SIRPA: variants seen among roughly 807,000 people sequenced by gnomAD.
SIRPA encodes the protein tyrosine-protein phosphatase non-receptor type substrate 1.
In SIRPA, 9 loss-of-function variants were observed where a neutral mutation model predicts 50.3. That is an observed-to-expected ratio of 0.18 (90% CI 0.11 to 0.31). The LOEUF (loss-of-function observed/expected upper bound fraction) is 0.31. Ranked by LOEUF, SIRPA falls within the 10% of genes least tolerant of loss-of-function variation. SIRPA has a pLI of 1.00. For missense variants in SIRPA, 474 were observed against 661.6 expected, an observed-to-expected ratio of 0.72 and a Z score of 3.11; for synonymous variants, 265 against 284.1, an observed-to-expected ratio of 0.93 and a Z score of 0.68.
intron 1 of SIRPA, among the ~76,000 whole-genome samples, chr20:1,905,491 TA>T (rs1203807151): frequency 1.3e-5 from 2 of 152,198 alleles, no homozygotes; most frequent in African/African-American, 4.8e-5. Context: ...TTATCTGGCC[TA>T]ACCCATGCAT....
chr20:1,908,658 ACGTGTGTT>A (rs1354942991), intron 1 of SIRPA, among the ~76,000 whole-genome samples: 1 of 152,162 alleles, frequency 6.6e-6, no homozygotes, highest in Admixed American at 6.5e-5. Flanking sequence ...GTATGTACAC[ACGTGTGTT>A]CTCGTGTGCA....
At chr20:1,913,250 C>A (rs1464034881) in intron 1 of SIRPA, among the ~76,000 whole-genome samples, 1 of 152,202 alleles carries the variant, frequency 6.6e-6, no homozygotes, top group Non-Finnish European at 1.5e-5. Context: ...GAGAACCGGG[C>A]CCCAAGGGTG....
chr20:1,907,726 C>T (rs2123036667), intron 1 of SIRPA, among the ~76,000 whole-genome samples: 1 of 152,370 alleles, frequency 6.6e-6, no homozygotes, highest in Non-Finnish European at 1.5e-5. Flanking sequence ...GGGCAAGGGC[C>T]TGTCTTACTT....
intron 5 of SIRPA, among the ~76,000 whole-genome samples, chr20:1,926,290 C>T (rs188862297): frequency 1.6e-4 from 24 of 152,266 alleles, no homozygotes; most frequent in Non-Finnish European, 5.9e-5. Context: ...AGGGAGGACT[C>T]CTCCTTGGAT....
At position 1,927,798 on chromosome 20, in the gene SIRPA, CT is replaced by C; in HGVS notation, c.1202-73del. The stretch of plus-strand genomic sequence containing the variant: ...CCTCTCCATGTCCCTGGAGGCAAAC[CT>C]TTTGCCAAAAAATAGTTACATAAGA... On this transcript the variant is annotated intron_variant, in intron 5 of 7. Transcript: ENST00000358771. The surrounding 1 kb of genome is among the most constrained non-coding windows in gnomAD (Gnocchi z 6.5). 7.2e-7 allele frequency: 1 copy of C among 1,395,162 alleles called. No individual in the cohort carries two copies. Among genetic ancestry groups the C allele is most frequent in the Non-Finnish European group, 1.0e-6 (1 of 980,604 alleles). 86.4% of individuals were successfully genotyped at this position (1,395,162 alleles called of 1,614,324 possible).
chr20:1,913,869 C>T (rs1283145755), intron 1 of SIRPA, among the ~76,000 whole-genome samples: 1 of 152,142 alleles, frequency 6.6e-6, no homozygotes, highest in Middle Eastern at 3.2e-3. Flanking sequence ...CTCTTCCTGT[C>T]TGGGCTCCCC....
intron 6 of SIRPA, among the ~76,000 whole-genome samples, chr20:1,929,188 T>C (rs1986159934): frequency 6.6e-6 from 1 of 151,994 alleles, no homozygotes; most frequent in Admixed American, 6.6e-5. Flanking sequence ...AACCAAAAGA[T>C]GGACACGATC....
At chr20:1,916,672 A>C (rs1985320995) in intron 2 of SIRPA, among the ~76,000 whole-genome samples, 1 of 152,226 alleles carries the variant, frequency 6.6e-6, no homozygotes. Context: ...TCCATTGTGT[A>C]ATAGCTACAG....
Position 1,918,363 on chromosome 20 carries a change from T to C in SIRPA, c.436+2908T>C, listed in dbSNP as rs1440695482. On this transcript the variant is annotated intron_variant, in intron 2 of 7. Coordinates refer to ENST00000358771, the MANE Select transcript of SIRPA (RefSeq NM_001040023.2). The stretch of plus-strand genomic sequence containing the variant: ...GGGGCACCCACCACCACACCAGCTT[T>C]TTTTTTTTTTTTTTTTTTTTGTATT... 1.2e-4 allele frequency among the ~76,000 whole-genome samples: 14 copies of C among 113,536 alleles called. 1 individual carries two copies. Among genetic ancestry groups the C allele is most frequent in the Non-Finnish European group, 1.6e-4 (9 of 55,788 alleles). The allele number at this position is 113,536 out of a possible 152,430, so 74.5% of individuals were successfully genotyped here.
chr20:1,933,406 C>CCG lies in SIRPA; in HGVS notation c.1227-1308_1227-1307insGC, dbSNP rs1020606016. Among the ~76,000 whole-genome samples, 2 of 150,686 alleles carry CCG rather than the reference C, an allele frequency of 1.3e-5. No individual in the cohort carries two copies. Among genetic ancestry groups the CCG allele is most frequent in the African/African-American group, 4.9e-5 (2 of 41,044 alleles). On this transcript the variant is annotated intron_variant, in intron 6 of 7. Coordinates refer to ENST00000358771, the MANE Select transcript of SIRPA (RefSeq NM_001040023.2). The surrounding 1 kb of genome is among the most constrained non-coding windows in gnomAD (Gnocchi z 4.4). ...AGTACATAACATCAAATGCCACCCC[C>CCG]CCCCCGAAATATCTGGTGGGCAGAT...
chr20:1,898,474 A>G lies in SIRPA; in HGVS notation c.79+2948A>G, dbSNP rs1983959448. Among the ~76,000 whole-genome samples the G allele has an allele frequency of 6.6e-6, 1 of 152,144 alleles. No individual in the cohort carries two copies. The highest frequency in any genetic ancestry group is 1.5e-5 in the Non-Finnish European group (1 of 68,030). Reference sequence around the variant, plus strand: ...GAAAACCAACATTCATTAGATAGTTAATGGCGTTCCAGGCCGGATGCTGCT... The same window carrying G: ...GAAAACCAACATTCATTAGATAGTTGATGGCGTTCCAGGCCGGATGCTGCT... On this transcript the variant is annotated intron_variant, in intron 1 of 7. Transcript: ENST00000358771. This position sits in a 1 kb window ranked among gnomAD's most constrained non-coding sequence, Gnocchi z 4.3.
intron 1 of SIRPA, among the ~76,000 whole-genome samples, chr20:1,904,493 G>A (rs1984430222): frequency 6.6e-6 from 1 of 152,178 alleles, no homozygotes; most frequent in South Asian, 2.1e-4. Flanking sequence ...GCAGCCCTGT[G>A]ACCATGGCCA....
rs766554061 is a variant in SIRPA, at chr20:1,934,681, G to T, written c.1227-34G>T. On this transcript the variant is annotated intron_variant, in intron 6 of 7. Coordinates refer to ENST00000358771, the MANE Select transcript of SIRPA (RefSeq NM_001040023.2). The surrounding 1 kb of genome is among the most constrained non-coding windows in gnomAD (Gnocchi z 4.6). The stretch of plus-strand genomic sequence containing the variant: ...TTGCATGAGCACTTGAGATAGTGAG[G>T]GTATTTTTATCTGTGTGTCTCTTTC... The T allele has an allele frequency of 1.2e-6, 2 of 1,609,836 alleles. No individual in the cohort carries two copies. The highest frequency in any genetic ancestry group is 2.2e-5 in the East Asian group (1 of 44,860).
chr20:1,922,667 A>T (rs1985740407), intron 4 of SIRPA, 22 bp downstream of exon 4: 1 of 1,583,184 alleles, frequency 6.3e-7, no homozygotes, highest in African/African-American at 1.4e-5. Flanking sequence ...ATTTCAGCTG[A>T]CCCAGCTTTT....
At chr20:1,910,383 A>G (rs1984817785) in intron 1 of SIRPA, among the ~76,000 whole-genome samples, 1 of 152,200 alleles carries the variant, frequency 6.6e-6, no homozygotes, top group African/African-American at 2.4e-5. Context: ...TGTTCACTGC[A>G]AAAAAATACA....
Position 1,940,189 on chromosome 20 carries a change from G to C in SIRPA, c.*2621G>C, listed in dbSNP as rs1986794270. ...TTCAAACAGCACCTCTTTGAGACTT[G>C]GGCCCCGCGTCGGCACAATGGGGCA... On this transcript the variant is annotated 3_prime_UTR_variant, in exon 8 of 8. Transcript: ENST00000358771. The C allele has an allele frequency of 6.6e-6, 1 of 152,190 alleles. No homozygotes were observed. The allele number at this position is 152,190 out of a possible 1,614,324, so 9.4% of individuals were successfully genotyped here. A position where few individuals can be genotyped will look rare whatever the true frequency, so the allele number is the denominator to read the frequency against.
intron 2 of SIRPA, among the ~76,000 whole-genome samples, chr20:1,920,243 C>T (rs1985568759): frequency 6.6e-6 from 1 of 152,200 alleles, no homozygotes; most frequent in African/African-American, 2.4e-5. Flanking sequence ...GCCCCTCAGC[C>T]CTGTGGGGAC....
In SIRPA at chr20:1,937,977, ACCT is replaced by A. The variant is rs1311977863; in HGVS notation, c.*412_*414del. On this transcript the variant is annotated 3_prime_UTR_variant, in exon 8 of 8. Transcript: ENST00000358771. The surrounding 1 kb of genome is among the most constrained non-coding windows in gnomAD (Gnocchi z 8.3). ...AATCCCACCTCCCCTGACCTCCACCACCTCCACCACCACCACCACCACCACCAC... is the reference window on the plus strand; with the variant it reads ...AATCCCACCTCCCCTGACCTCCACCACCACCACCACCACCACCACCACCAC... The A allele has an allele frequency of 3.7e-5, 6 of 160,490 alleles. No homozygotes were observed. Among genetic ancestry groups the A allele is most frequent in the East Asian group, 1.7e-4 (1 of 5,980 alleles). 9.9% of individuals were successfully genotyped at this position (160,490 alleles called of 1,614,324 possible). A position where few individuals can be genotyped will look rare whatever the true frequency, so the allele number is the denominator to read the frequency against.
intron 1 of SIRPA, among the ~76,000 whole-genome samples, chr20:1,913,405 G>C (rs893587527): frequency 6.6e-6 from 1 of 152,226 alleles, no homozygotes; most frequent in African/African-American, 2.4e-5. Flanking sequence ...CTGCCAGTGG[G>C]GTGGTGCCAG....
Sources: gnomAD v4.1 joint callset for allele counts (sites outside exome capture counted in the v4.1 genomes callset) on GRCh38, gnomAD v4.1.1 for gene constraint, Gnocchi (gnomAD v3.1) non-coding constraint, MANE v1.5 for transcripts, NCBI Gene and HGNC (gene_info 2026-07-23, HGNC 2026-07-21) for gene names.